Variants in RFESD observed in about 807,000 individuals in gnomAD.
The protein encoded by RFESD is Rieske Fe-S domain containing.
In RFESD, 16 loss-of-function variants were observed where a neutral mutation model predicts 24.4. The ratio of observed to expected loss-of-function variants is 0.66; its 90% CI spans 0.44 to 1.00. The LOEUF is 1.00. RFESD is among the 50% of genes least tolerant of loss of function. The probability of loss-of-function intolerance (pLI) is 0.00; values close to 1 mark genes in which losing one functional copy is unlikely to be tolerated. For missense variants in RFESD, 208 were observed against 247.0 expected (o/e 0.84, Z 1.06); for synonymous variants, 59 against 81.8 (o/e 0.72, Z 1.50).
intron 1 of RFESD, chr5:95,647,854 A>G (rs1750170370): frequency 6.6e-6 from 1 of 152,146 alleles, no homozygotes; most frequent in Non-Finnish European, 1.5e-5. Context: ...GAACTATTAT[A>G]TTCAAAGGGT....
chr5:95,655,955 T>A, intron 5 of RFESD, 91 bp from the exon 6 acceptor site: 1 of 1,256,912 alleles, frequency 8.0e-7, no homozygotes, highest in Admixed American at 2.3e-5. Context: ...TAACCTGTTT[T>A]TTTAACCTGG....
intron 1 of RFESD, among the ~76,000 whole-genome samples, chr5:95,650,316 CCTT>C (rs1336049078): frequency 6.6e-6 from 1 of 152,056 alleles, no homozygotes; most frequent in African/African-American, 2.4e-5. Context: ...GTGTGTAATG[CCTT>C]CTTTTATACA....
At chr5:95,655,484 C>T (rs1217527342) in intron 5 of RFESD, 1 of 152,334 alleles carries the variant, frequency 6.6e-6, no homozygotes, top group East Asian at 1.9e-4. Context: ...TCACCCCAAC[C>T]CCTTAGACCT....
rs757659453 is a variant in RFESD at position 95,656,088 on chromosome 5, T to C, written c.412T>C (p.Tyr138His). The stretch of plus-strand genomic sequence containing the variant: ...GTGTATAGTTTGCCCCTGGCATAAA[T>C]ACAAAATTACTTTGGCAACAGGAGA... The part of the protein sequence containing the change: ...RPCIVCPWHK[Y>H]KITLATGEGL... Residue 138 changes from tyrosine to histidine, a missense_variant, in exon 6 of 6, where the codon TAC becomes CAC. Physicochemically the swap from Tyr to His is moderately conservative, Grantham distance 83 (BLOSUM62 2). Transcript: ENST00000380005. 6.2e-7 allele frequency: 1 copy of C among 1,613,668 alleles called. No individual in the cohort carries two copies. Among genetic ancestry groups the C allele is most frequent in the South Asian group, 1.1e-5 (1 of 91,046 alleles).
rs1750360276 is a variant in RFESD at position 95,651,870 on chromosome 5, G to A, written c.-135-267G>A. Among the ~76,000 whole-genome samples, 3 of 152,312 alleles carry A rather than the reference G, an allele frequency of 2.0e-5. No homozygotes were observed. In the South Asian group the frequency reaches 6.2e-4, roughly 32 times the overall value. ...AAACTTTAGAAATACAGGGAAAAGA[G>A]AGTAGTAATGGTTATATTCTGAATA... On this transcript the variant is annotated intron_variant, in intron 1 of 5. Coordinates refer to ENST00000380005, the MANE Select transcript of RFESD (RefSeq NM_001131066.2).
chr5:95,650,782 G>A (rs770911744), intron 1 of RFESD, among the ~76,000 whole-genome samples: 40 of 152,090 alleles, frequency 2.6e-4, no homozygotes, highest in Non-Finnish European at 5.0e-4. Context: ...TAGGTACACC[G>A]AGGTACAAAT....
intron 2 of RFESD, 153 bp from the exon 3 acceptor site, chr5:95,652,964 C>A: frequency 1.9e-6 from 2 of 1,030,976 alleles, no homozygotes; most frequent in South Asian, 1.8e-5. Context: ...TCTTCAGTGG[C>A]TTTCCTTTGC....
chr5:95,651,495 A>G (rs978268562), intron 1 of RFESD, among the ~76,000 whole-genome samples: 2 of 152,162 alleles, frequency 1.3e-5, no homozygotes, highest in South Asian at 2.1e-4. Flanking sequence ...CCTGGGCTCA[A>G]GTGATCCTCC....
rs1271306306 is a variant in RFESD, at chr5:95,656,818, A to G, written c.*509A>G. ...TTATTTATACCTCTGTGGATTTGCT[A>G]CCTCTCCTATTTGATTGTTATTTTT... On this transcript the variant is annotated 3_prime_UTR_variant, in exon 6 of 6. Coordinates refer to ENST00000380005, the MANE Select transcript of RFESD (RefSeq NM_001131066.2). The G allele has an allele frequency of 6.5e-6, 1 of 152,742 alleles. No individual in the cohort carries two copies. The highest frequency in any genetic ancestry group is 1.5e-5 in the Non-Finnish European group (1 of 68,560). 9.5% of individuals were successfully genotyped at this position (152,742 alleles called of 1,614,324 possible).
Position 95,650,349 on chromosome 5 carries a change from C to A in RFESD, c.-135-1788C>A, listed in dbSNP as rs183422624. Among the ~76,000 whole-genome samples, 6 of 152,256 alleles carry A rather than the reference C, an allele frequency of 3.9e-5. No individual in the cohort carries two copies. In the East Asian group the frequency reaches 1.2e-3, roughly 29 times the overall value. On this transcript the variant is annotated intron_variant, in intron 1 of 5. Coordinates refer to ENST00000380005, the MANE Select transcript of RFESD (RefSeq NM_001131066.2). Reference sequence around the variant, plus strand: ...TATACATTGAATTCAAAGCCCCTGTCTCTCCCCATCAACACACATGCACAC... The same window carrying A: ...TATACATTGAATTCAAAGCCCCTGTATCTCCCCATCAACACACATGCACAC...
intron 2 of RFESD, chr5:95,652,856 T>C: frequency 2.4e-6 from 1 of 423,778 alleles, no homozygotes; most frequent in Non-Finnish European, 4.1e-6. Context: ...AGCTTTCTGA[T>C]TTCTGGGCAT....
intron 1 of RFESD, 108 bp downstream of exon 1, chr5:95,646,925 G>C (rs1181031988): frequency 1.3e-5 from 2 of 152,408 alleles, no homozygotes; most frequent in Non-Finnish European, 2.9e-5. Flanking sequence ...CCGCTGCGGG[G>C]CCTGAGGCCC....
intron 2 of RFESD, chr5:95,652,855 A>G: frequency 2.4e-6 from 1 of 420,870 alleles, no homozygotes. Context: ...TAGCTTTCTG[A>G]TTTCTGGGCA....
At position 95,652,798 on chromosome 5, in the gene RFESD, A is replaced by G. The variant is rs139216284; in HGVS notation, c.61-319A>G. On this transcript the variant is annotated intron_variant, in intron 2 of 5. Transcript: ENST00000380005. Reference sequence around the variant, plus strand: ...CTGTTGTTATTACTTTTTATCCCCTACAGCATCAACCCCCTGCGGCAAGCC... The same window carrying G: ...CTGTTGTTATTACTTTTTATCCCCTGCAGCATCAACCCCCTGCGGCAAGCC... 319 of 325,454 alleles carry G rather than the reference A, an allele frequency of 9.8e-4. 4 individuals are homozygous for G. The East Asian group carries it at 0.019, about 20-fold the overall frequency. 20.2% of individuals were successfully genotyped at this position (325,454 alleles called of 1,614,324 possible).
At chr5:95,652,422 T>C in intron 2 of RFESD, 91 bp downstream of exon 2, 1 of 1,479,566 alleles carries the variant, frequency 6.8e-7, no homozygotes, top group Non-Finnish European at 9.1e-7. Flanking sequence ...GTTGTTGACT[T>C]GACATCTCTA....
chr5:95,648,135 A>G (rs1750179326), intron 1 of RFESD: 1 of 152,222 alleles, frequency 6.6e-6, no homozygotes, highest in Non-Finnish European at 1.5e-5. Context: ...TTTGAGTTAC[A>G]CTAAATATTT....
At chr5:95,648,892 C>CTTTTTTT (rs35016122) in intron 1 of RFESD, among the ~76,000 whole-genome samples, 16 of 72,438 alleles carry the variant, frequency 2.2e-4, no homozygotes, top group Middle Eastern at 0.013. Context: ...GATAGTAGTG[C>CTTTTTTT]TTTTTTTTTT....
In RFESD at chr5:95,657,269, C is replaced by T. The variant is rs980702424; in HGVS notation, c.*960C>T. On this transcript the variant is annotated 3_prime_UTR_variant, in exon 6 of 6. Coordinates refer to ENST00000380005, the MANE Select transcript of RFESD (RefSeq NM_001131066.2). ...TTCAGTTGGTTCACCCTGGTTTTATCATGTCAGTTATTTATGGTCAGTACC... is the reference window on the plus strand; with the variant it reads ...TTCAGTTGGTTCACCCTGGTTTTATTATGTCAGTTATTTATGGTCAGTACC... 1 of 151,944 alleles carries T rather than the reference C, an allele frequency of 6.6e-6. No homozygotes were observed. The highest frequency in any genetic ancestry group is 1.5e-5 in the Non-Finnish European group (1 of 67,986). 9.4% of individuals were successfully genotyped at this position (151,944 alleles called of 1,614,324 possible).
rs140449192 is a variant in RFESD at position 95,649,943 on chromosome 5, A to G, written c.-135-2194A>G. 7.2e-3 allele frequency among the ~76,000 whole-genome samples: 1,099 copies of G among 151,666 alleles called. 11 individuals are homozygous for G. The highest frequency in any genetic ancestry group is 0.026 in the African/African-American group (1,055 of 41,322). On this transcript the variant is annotated intron_variant, in intron 1 of 5. Transcript: ENST00000380005. ...TCCTTTGTCTGTTCCCATTTTTCTTATTACCCCTCTGTTCTGTCACAAAAT... is the reference window on the plus strand; with the variant it reads ...TCCTTTGTCTGTTCCCATTTTTCTTGTTACCCCTCTGTTCTGTCACAAAAT...
Sources: allele counts gnomAD v4.1 joint callset (sites outside exome capture counted in the v4.1 genomes callset), GRCh38; gene constraint gnomAD v4.1.1; transcripts MANE v1.5; gene names NCBI Gene and HGNC (gene_info 2026-07-23, HGNC 2026-07-21).